ERBB4: variants seen among roughly 807,000 people sequenced by gnomAD.
ERBB4 encodes erb-b2 receptor tyrosine kinase 4.
Under a neutral mutation model 158.0 loss-of-function variants are expected in ERBB4, and 42 were observed. The ratio of observed to expected loss-of-function variants is 0.27; its 90% CI spans 0.21 to 0.34. The LOEUF is 0.34. Among genes scored for constraint, ERBB4 ranks in the 10% least tolerant of loss-of-function variants. The pLI is 1.00. For synonymous variants in ERBB4, 583 were observed against 558.7 expected, an observed-to-expected ratio of 1.04 and a Z score of -0.61; for missense variants, 1,333 against 1,624.1, an observed-to-expected ratio of 0.82 and a Z score of 3.08.
In ERBB4 at chr2:211,788,062, G is replaced by T. The variant is rs1488063341; in HGVS notation, c.519C>A (p.Ser173=). The T allele has an allele frequency of 6.2e-7, 1 of 1,613,338 alleles. No homozygotes were observed. Among genetic ancestry groups the T allele is most frequent in the African/African-American group, 1.3e-5 (1 of 74,904 alleles). The change falls in exon 4 of 28, where the codon TCC becomes TCA. Residue 173 remains serine (S), a synonymous_variant. Transcript: ENST00000342788. ...CATTTGTTGACACAAGAGTCAAGTTGGAAGGCCATGGGTTCCGAACAATAT... is the reference window on the plus strand; with the variant it reads ...CATTTGTTGACACAAGAGTCAAGTTTGAAGGCCATGGGTTCCGAACAATAT... ...WQDIVRNPWP[S]NLTLVSTNGS... is the part of the protein sequence containing the mutation.
In ERBB4 at chr2:212,256,017, T is replaced by TGGG. The variant is rs5838312; in HGVS notation, c.83-131117_83-131115dup. Among the ~76,000 whole-genome samples the TGGG allele has an allele frequency of 5.2e-4, 74 of 142,048 alleles. 1 individual carries two copies. Among genetic ancestry groups the TGGG allele is most frequent in the South Asian group, 1.1e-3 (5 of 4,392 alleles). 93.2% of individuals were successfully genotyped at this position (142,048 alleles called of 152,430 possible). ...TATTTATTTATTTTTTTTTTACAAA[T>TGGG]GGGGGGGGGTCTCACTCTGTTACCC... On this transcript the variant is annotated intron_variant, in intron 1 of 27. Coordinates refer to ENST00000342788, the MANE Select transcript of ERBB4 (RefSeq NM_005235.3).
chr2:211,921,069 A>G (rs989088507), intron 3 of ERBB4, among the ~76,000 whole-genome samples: 1 of 152,034 alleles, frequency 6.6e-6, no homozygotes, highest in African/African-American at 2.4e-5. Context: ...TGGATAAATA[A>G]CACTTGATGC....
intron 1 of ERBB4, among the ~76,000 whole-genome samples, chr2:212,380,370 A>G (rs920822990): frequency 2.6e-5 from 4 of 151,276 alleles, no homozygotes; most frequent in Non-Finnish European, 4.4e-5. Flanking sequence ...GAAGATGTGC[A>G]TAGGTTATAT....
chr2:212,098,301 G>A (rs545035247), intron 2 of ERBB4, among the ~76,000 whole-genome samples: 1 of 152,242 alleles, frequency 6.6e-6, no homozygotes, highest in Non-Finnish European at 1.5e-5. Context: ...CATTTAAAGG[G>A]AGACTTTTCT....
intron 1 of ERBB4, among the ~76,000 whole-genome samples, chr2:212,411,845 A>C (rs190265321): frequency 4.6e-5 from 7 of 152,188 alleles, no homozygotes; most frequent in Admixed American, 4.6e-4. Flanking sequence ...ATACTATGCT[A>C]TACTATATTA....
rs535818387 is a variant in ERBB4 at position 212,375,704 on chromosome 2, C to G, written c.82+162745G>C. Reference sequence around the variant, plus strand: ...ATTTTTGTACCAAAATAAACTCATACTAACTTGATATATCATGTCTGAACA... The same window carrying G: ...ATTTTTGTACCAAAATAAACTCATAGTAACTTGATATATCATGTCTGAACA... On this transcript the variant is annotated intron_variant, in intron 1 of 27. Coordinates refer to ENST00000342788, the MANE Select transcript of ERBB4 (RefSeq NM_005235.3). 3.3e-3 allele frequency among the ~76,000 whole-genome samples: 502 copies of G among 152,152 alleles called. 1 individual carries two copies. The highest frequency in any genetic ancestry group is 0.017 in the Middle Eastern group (5 of 292).
At chr2:212,453,053 C>T (rs1472058362) in intron 1 of ERBB4, among the ~76,000 whole-genome samples, 1 of 152,064 alleles carries the variant, frequency 6.6e-6, no homozygotes. Flanking sequence ...AGTTGTATAA[C>T]TTGGGGCAAA....
chr2:212,242,749 G>T (rs531990551), intron 1 of ERBB4, among the ~76,000 whole-genome samples: 4 of 152,206 alleles, frequency 2.6e-5, no homozygotes, highest in African/African-American at 9.6e-5. Flanking sequence ...ACATAAGCTG[G>T]TACTGCATGT....
intron 20 of ERBB4, among the ~76,000 whole-genome samples, chr2:211,457,146 A>G (rs1489939474): frequency 1.3e-5 from 2 of 152,206 alleles, no homozygotes; most frequent in Non-Finnish European, 2.9e-5. Flanking sequence ...GCTCTAAATC[A>G]TCACCTCTTC....
intron 1 of ERBB4, among the ~76,000 whole-genome samples, chr2:212,244,740 G>C (rs10187913): frequency 0.2 from 30,702 of 151,928 alleles, 3,441 homozygotes; most frequent in African/African-American, 0.26. Flanking sequence ...TCTACAGTCT[G>C]GTTTAACTTT....
chr2:211,483,256 G>T (rs2125552713), intron 20 of ERBB4, among the ~76,000 whole-genome samples: 1 of 152,032 alleles, frequency 6.6e-6, no homozygotes, highest in South Asian at 2.1e-4. Flanking sequence ...GTCACTAAAT[G>T]AGAGGGATTA....
intron 22 of ERBB4, among the ~76,000 whole-genome samples, chr2:211,425,983 C>A (rs369266508): frequency 3.5e-4 from 53 of 152,078 alleles, no homozygotes; most frequent in East Asian, 2.9e-3. Context: ...CGTGCGGGGC[C>A]TAGAATATAT....
chr2:211,700,125 G>T (rs6435656), intron 12 of ERBB4, among the ~76,000 whole-genome samples: 66,215 of 151,580 alleles, frequency 0.44, 14,768 homozygotes, highest in South Asian at 0.48. Context: ...TAAGGATGTG[G>T]AAGGAAACGA....
intron 1 of ERBB4, among the ~76,000 whole-genome samples, chr2:212,291,419 T>A (rs1278090298): frequency 6.6e-6 from 1 of 152,118 alleles, no homozygotes; most frequent in Non-Finnish European, 1.5e-5. Context: ...TACTAGATAT[T>A]TTTAATGGAA....
In ERBB4 at chr2:211,730,468, C is replaced by T. The variant is rs141079983; in HGVS notation, c.623-5274G>A. Reference sequence around the variant, plus strand: ...TCCTCCCCCATCTCCTTCCTCTTTCCCTATCTCCTCTGTCTTCTCTCCTTC... The same window carrying T: ...TCCTCCCCCATCTCCTTCCTCTTTCTCTATCTCCTCTGTCTTCTCTCCTTC... On this transcript the variant is annotated intron_variant, in intron 5 of 27. Transcript: ENST00000342788. 4.0e-3 allele frequency among the ~76,000 whole-genome samples: 604 copies of T among 152,032 alleles called. 4 individuals are homozygous for T. The highest frequency in any genetic ancestry group is 6.3e-3 in the Non-Finnish European group (428 of 67,896).
rs183754763 is a variant in ERBB4 at position 211,523,527 on chromosome 2, T to C, written c.2487+38376A>G. Among the ~76,000 whole-genome samples, 738 of 151,352 alleles carry C rather than the reference T, an allele frequency of 4.9e-3. 13 individuals carry two copies. Among genetic ancestry groups the C allele is most frequent in the Non-Finnish European group, 6.7e-3 (458 of 67,856 alleles). On this transcript the variant is annotated intron_variant, in intron 20 of 27. Transcript: ENST00000342788. ...TTCTGATGTTCGGATGTGTTCGGAGTTTCGTCCTTCTGGTGGGTTCGTGGT... is the reference window on the plus strand; with the variant it reads ...TTCTGATGTTCGGATGTGTTCGGAGCTTCGTCCTTCTGGTGGGTTCGTGGT...
At position 211,384,004 on chromosome 2, in the gene ERBB4, G is replaced by T. The variant is rs764925334; in HGVS notation, c.3538C>A (p.Leu1180Ile). 3.7e-6 allele frequency: 6 copies of T among 1,613,810 alleles called. No homozygotes were observed. The highest frequency in any genetic ancestry group is 5.1e-6 in the Non-Finnish European group (6 of 1,179,954). The change falls in exon 28 of 28, where the codon CTT becomes ATT. Residue 1180 changes from leucine to isoleucine, a missense_variant. By Grantham distance (5) the Leu-to-Ile change is conservative (BLOSUM62 2). Transcript: ENST00000342788. ...TATTCGGGATTATCCAATGCTTGAA[G>T]GTCTCCATTTTTTCTCCGAGAAACA... ...PFVSRRKNGD[L>I]QALDNPEYHN...
Position 212,231,352 on chromosome 2 carries a change from G to T in ERBB4, c.83-106449C>A, listed in dbSNP as rs557343977. 1.5e-3 allele frequency among the ~76,000 whole-genome samples: 233 copies of T among 152,026 alleles called. 2 individuals are homozygous for T. The highest frequency in any genetic ancestry group is 5.4e-3 in the African/African-American group (223 of 41,510). Reference sequence around the variant, plus strand: ...ATTTTTGACATGTTTTAAGTCATTTGTCTGGACTCCTGATGGGCTTAAACC... The same window carrying T: ...ATTTTTGACATGTTTTAAGTCATTTTTCTGGACTCCTGATGGGCTTAAACC... On this transcript the variant is annotated intron_variant, in intron 1 of 27. Coordinates refer to ENST00000342788, the MANE Select transcript of ERBB4 (RefSeq NM_005235.3).
intron 19 of ERBB4, among the ~76,000 whole-genome samples, chr2:211,582,833 T>A (rs2068145015): frequency 6.6e-6 from 1 of 152,128 alleles, no homozygotes; most frequent in Non-Finnish European, 1.5e-5. Context: ...AAATGTAGCA[T>A]GAAGAAAGCA....
Sources: gnomAD v4.1 joint callset for allele counts (sites outside exome capture counted in the v4.1 genomes callset) on GRCh38, gnomAD v4.1.1 for gene constraint, MANE v1.5 for transcripts, NCBI Gene and HGNC (gene_info 2026-07-23, HGNC 2026-07-21) for gene names.